ZNG1B: variants seen among roughly 807,000 people sequenced by gnomAD.
ZNG1B encodes Zn regulated GTPase metalloprotein activator 1B.
the ZNG1B span, chr2:113,447,975 A>C: frequency 2.6e-6 from 1 of 391,154 alleles, no homozygotes; most frequent in Non-Finnish European, 5.0e-6. Flanking sequence ...ATTCATGTTG[A>C]TACTCTATTC....
At chr2:113,450,556 G>A in the ZNG1B span, among the ~76,000 whole-genome samples, 1 of 139,740 alleles carries the variant, frequency 7.2e-6, no homozygotes, top group Non-Finnish European at 1.5e-5. Context: ...TTGTTTTCAA[G>A]TTCTTCATTA....
At chr2:113,450,559 C>T in the ZNG1B span, among the ~76,000 whole-genome samples, 1 of 138,848 alleles carries the variant, frequency 7.2e-6, no homozygotes, top group Admixed American at 7.5e-5. Flanking sequence ...TTTTCAAGTT[C>T]TTCATTATGA....
the ZNG1B span, among the ~76,000 whole-genome samples, chr2:113,451,039 C>G: frequency 6.6e-6 from 1 of 152,270 alleles, no homozygotes; most frequent in South Asian, 2.1e-4. Flanking sequence ...CCTCTCATTT[C>G]TCTTTGTTCT....
chr2:113,442,696 C>A, the ZNG1B span, among the ~76,000 whole-genome samples: 356 of 152,024 alleles, frequency 2.3e-3, 3 homozygotes, highest in African/African-American at 7.4e-3. Flanking sequence ...CCTTAATGTT[C>A]TGTATATAGT....
the ZNG1B span, among the ~76,000 whole-genome samples, chr2:113,461,565 A>G: frequency 1.3e-5 from 2 of 148,944 alleles, no homozygotes; most frequent in African/African-American, 2.4e-5. Flanking sequence ...GAGATAAAGC[A>G]TAAGACCCTG....
the ZNG1B span, among the ~76,000 whole-genome samples, chr2:113,478,779 A>G: frequency 6.6e-6 from 1 of 151,736 alleles, no homozygotes; most frequent in Admixed American, 6.6e-5. Context: ...TTAAATTTGC[A>G]TGTAGTTTGT....
At chr2:113,452,024 T>C in the ZNG1B span, among the ~76,000 whole-genome samples, 4 of 152,102 alleles carry the variant, frequency 2.6e-5, no homozygotes, top group Admixed American at 2.0e-4. Flanking sequence ...AAAATTCTTA[T>C]TGGCAATTCA....
the ZNG1B span, among the ~76,000 whole-genome samples, chr2:113,478,744 C>G: frequency 6.6e-6 from 1 of 151,426 alleles, no homozygotes; most frequent in Non-Finnish European, 1.5e-5. Flanking sequence ...TTATTGGACC[C>G]CTTTTACTTT....
chr2:113,478,449 T>G, the ZNG1B span, among the ~76,000 whole-genome samples: 3 of 151,840 alleles, frequency 2.0e-5, no homozygotes, highest in Admixed American at 1.3e-4. Flanking sequence ...CTAATTTTTT[T>G]TTTTAATTTT....
chr2:113,478,871 T>C, the ZNG1B span, among the ~76,000 whole-genome samples: 1 of 150,978 alleles, frequency 6.6e-6, no homozygotes, highest in East Asian at 2.0e-4. Context: ...GGCAGGGCAG[T>C]TATTCCTCCT....
At chr2:113,475,164 T>C in the ZNG1B span, among the ~76,000 whole-genome samples, 1 of 146,382 alleles carries the variant, frequency 6.8e-6, no homozygotes. Context: ...TTTATGAATC[T>C]GGGTGCTCCT....
chr2:113,468,771 G>T, the ZNG1B span: 117 of 149,588 alleles, frequency 7.8e-4, no homozygotes, highest in African/African-American at 2.9e-3. Flanking sequence ...CTAAATTTGG[G>T]GAAAGCTATA....
chr2:113,459,938 GA>G, the ZNG1B span, among the ~76,000 whole-genome samples: 3 of 147,934 alleles, frequency 2.0e-5, no homozygotes, highest in Non-Finnish European at 1.5e-5. Flanking sequence ...TGCCTCCAGA[GA>G]GATGAAAACT....
the ZNG1B span, among the ~76,000 whole-genome samples, chr2:113,443,447 C>A: frequency 6.6e-6 from 1 of 151,516 alleles, no homozygotes; most frequent in Admixed American, 6.6e-5. Flanking sequence ...AGAAAGTTTA[C>A]CCTGGACAAG....
chr2:113,462,532 A>C, the ZNG1B span: 1 of 1,576,050 alleles, frequency 6.3e-7, no homozygotes, highest in Non-Finnish European at 8.6e-7. Context: ...CTACAGATCC[A>C]TGTTGTATAC....
chr2:113,450,010 A>G, the ZNG1B span, among the ~76,000 whole-genome samples: 2 of 149,774 alleles, frequency 1.3e-5, no homozygotes, highest in African/African-American at 2.4e-5. Flanking sequence ...ATTTTGGGAC[A>G]TCTAGTGTTA....
the ZNG1B span, among the ~76,000 whole-genome samples, chr2:113,450,477 G>A: frequency 6.7e-6 from 1 of 149,884 alleles, no homozygotes; most frequent in African/African-American, 2.5e-5. Context: ...AGTTTCTTTA[G>A]CACTACAAAC....
chr2:113,467,050 C>T, the ZNG1B span, among the ~76,000 whole-genome samples: 71 of 129,202 alleles, frequency 5.5e-4, no homozygotes, highest in South Asian at 2.2e-4. Context: ...GGTGACAGAG[C>T]GAGACTCTGT....
the ZNG1B span, among the ~76,000 whole-genome samples, chr2:113,462,149 G>A: frequency 1.3e-4 from 20 of 152,216 alleles, no homozygotes; most frequent in South Asian, 2.1e-4. Flanking sequence ...ACAGAACTTA[G>A]TAAATACTTT....
Sources: allele counts gnomAD v4.1 joint callset (sites outside exome capture counted in the v4.1 genomes callset), GRCh38; gene constraint gnomAD v4.1.1; transcripts MANE v1.5; gene names NCBI Gene and HGNC (gene_info 2026-07-23, HGNC 2026-07-21).